Variants in MOGS observed in about 807,000 individuals in gnomAD.
MOGS encodes the protein epididymis secretory sperm binding protein.
MOGS carries 45 observed loss-of-function variants against 68.5 expected under a neutral mutation model. The observed-to-expected ratio is 0.66, with a 90% CI of 0.52 to 0.84. The LOEUF is 0.84. Among genes scored for constraint, MOGS ranks in the 40% least tolerant of loss-of-function variants. The pLI, the probability that MOGS is intolerant of heterozygous loss-of-function variation, is 0.00. For missense variants in MOGS, 1,020 were observed against 1,095.0 expected (o/e 0.93, Z 0.97); for synonymous variants, 492 against 461.2 (o/e 1.07, Z -0.86).
In MOGS at chr2:74,462,854, C is replaced by T. The variant is rs760403923; in HGVS notation, c.935G>A (p.Ser312Asn). ...GSLKWEDRGP[S>N]GQGQGQFLIQ... The stretch of plus-strand genomic sequence containing the variant: ...CAAGAACTGCCCCTGCCCTTGCCCA[C>T]TTGGACCTCTGTCCTCCCACTTCAG... The change falls in exon 4 of 4, where the codon AGT (serine) becomes AAT (asparagine). Residue 312 changes from serine to asparagine, a missense_variant. Ser to Asn is a conservative substitution (Grantham distance 46, BLOSUM62 1). Around this residue, in one of 3 missense-constraint regions of MOGS, gnomAD observed 569 missense variants for 571.9 expected, o/e 0.99. Coordinates refer to ENST00000448666, the MANE Select transcript of MOGS (RefSeq NM_006302.3). 3.1e-6 allele frequency: 5 copies of T among 1,614,096 alleles called. No homozygotes were observed. The highest frequency in any genetic ancestry group is 4.2e-6 in the Non-Finnish European group (5 of 1,180,060).
Position 74,461,294 on chromosome 2 carries a change from G to T in MOGS, c.2495C>A (p.Ala832Asp). Residue 832 changes from alanine to aspartate, a missense_variant, in exon 4 of 4, where the codon GCC becomes GAC. Physicochemically the swap from Ala to Asp is moderately radical, Grantham distance 126 (BLOSUM62 -2). Transcript: ENST00000448666. ...FHGWTSLVLL[A>D]MAEDY ...CTCCCTTCAGTAGTCTTCAGCCATG[G>T]CCAGTAAGACAAGGCTGGTCCAGCC... 1.2e-6 allele frequency: 2 copies of T among 1,614,108 alleles called. No homozygotes were observed. The highest frequency in any genetic ancestry group is 8.5e-7 in the Non-Finnish European group (1 of 1,180,048).
rs1008961505 is a variant in MOGS, at chr2:74,461,152, T to C, written c.*123A>G. ...TGTGGGATGACAGCAAGGAGACACC[T>C]GAGATGAAATGAGGAAGGTTTGAAT... On this transcript the variant is annotated 3_prime_UTR_variant, in exon 4 of 4. Transcript: ENST00000448666. 2.8e-6 allele frequency: 3 copies of C among 1,074,356 alleles called. No individual in the cohort carries two copies. In the African/African-American group the frequency reaches 4.7e-5, roughly 17 times the overall value. 66.6% of individuals were successfully genotyped at this position (1,074,356 alleles called of 1,614,324 possible).
In MOGS at chr2:74,463,403, GACAGAAAAGA is replaced by G. The variant is rs748839262; in HGVS notation, c.580-27_580-18del. 47 of 1,610,994 alleles carry G rather than the reference GACAGAAAAGA, an allele frequency of 2.9e-5. No homozygotes were observed. The highest frequency in any genetic ancestry group is 1.7e-5 in the Admixed American group (1 of 59,982). The stretch of plus-strand genomic sequence containing the variant: ...ACCTGAGTCCTGAGTGACCAACGAG[GACAGAAAAGA>G]ACAGTGTTAGATTGGCATTCTCTCT... On this transcript the variant is annotated intron_variant, in intron 2 of 3. Coordinates refer to ENST00000448666, the MANE Select transcript of MOGS (RefSeq NM_006302.3).
At chr2:74,463,798 CG>C (rs1671996261) in intron 2 of MOGS, among the ~76,000 whole-genome samples, 1 of 147,962 alleles carries the variant, frequency 6.8e-6, no homozygotes, top group African/African-American at 2.5e-5. Flanking sequence ...CGAGTAGCTG[CG>C]ACAATAGGCG....
intron 1 of MOGS, 83 bp downstream of exon 1, chr2:74,464,813 T>C: frequency 6.4e-7 from 1 of 1,557,236 alleles, no homozygotes. Flanking sequence ...TCCTGATCCA[T>C]TCCTTCCCAC....
rs1289943392 is a variant in MOGS, at chr2:74,461,153, G to C, written c.*122C>G. ...GTGGGATGACAGCAAGGAGACACCT[G>C]AGATGAAATGAGGAAGGTTTGAATT... On this transcript the variant is annotated 3_prime_UTR_variant, in exon 4 of 4. Transcript: ENST00000448666. The C allele has an allele frequency of 9.2e-7, 1 of 1,083,186 alleles. No individual in the cohort carries two copies. Among genetic ancestry groups the C allele is most frequent in the Non-Finnish European group, 1.4e-6 (1 of 728,626 alleles). 67.1% of individuals were successfully genotyped at this position (1,083,186 alleles called of 1,614,324 possible).
intron 2 of MOGS, 34 bp from the exon 3 acceptor site, chr2:74,463,420 T>C: frequency 6.3e-7 from 1 of 1,598,846 alleles, no homozygotes; most frequent in Non-Finnish European, 8.6e-7. Context: ...AAGAACAGTG[T>C]TAGATTGGCA....
At position 74,462,164 on chromosome 2, in the gene MOGS, T is replaced by C. The variant is rs754338562; in HGVS notation, c.1625A>G (p.His542Arg). 1.9e-5 allele frequency: 31 copies of C among 1,613,972 alleles called. No individual in the cohort carries two copies. Among genetic ancestry groups the C allele is most frequent in the Non-Finnish European group, 2.6e-5 (31 of 1,179,978 alleles). Residue 542 changes from histidine to arginine, a missense_variant, in exon 4 of 4, where the codon CAT becomes CGT. Transcript: ENST00000448666. ...CTGATGGAGCCAGGAAAACCAGGCA[T>C]GCAGGCGGGGCAAGGCCTTTCGGAG... ...AFLRKALPRL[H>R]AWFSWLHQSQ...
Position 74,463,330 on chromosome 2 carries a change from A to G in MOGS, c.636T>C (p.Asp212=), listed in dbSNP as rs1408246962. 1.2e-6 allele frequency: 2 copies of G among 1,614,100 alleles called. No individual in the cohort carries two copies. Among genetic ancestry groups the G allele is most frequent in the Non-Finnish European group, 8.5e-7 (1 of 1,180,052 alleles). The change falls in exon 3 of 4, where the codon GAT becomes GAC. Residue 212 remains aspartate, a synonymous_variant. Coordinates refer to ENST00000448666, the MANE Select transcript of MOGS (RefSeq NM_006302.3). ...CCTCTGGTAGTAGGACTTCCTTGCC[A>G]TCTGTCACCACATAGAAGAACAGGG... The part of the protein sequence containing the change: ...LVSLFFYVVT[D]GKEVLLPEVG...
chr2:74,463,155 C>T (rs775232128), intron 3 of MOGS, 35 bp downstream of exon 3: 1 of 1,613,016 alleles, frequency 6.2e-7, no homozygotes, highest in Non-Finnish European at 8.5e-7. Context: ...AATAACCACC[C>T]CTTCCATCCC....
At chr2:74,463,576 T>G in intron 2 of MOGS, 190 bp from the exon 3 acceptor site, 1 of 628,712 alleles carries the variant, frequency 1.6e-6, no homozygotes, top group Non-Finnish European at 2.8e-6. Flanking sequence ...TAAAGAGCCT[T>G]GCACTGGGTG....
At position 74,461,227 on chromosome 2, in the gene MOGS, C is replaced by T. The variant is rs1202406110; in HGVS notation, c.*48G>A. 1.9e-6 allele frequency: 3 copies of T among 1,610,038 alleles called. No individual in the cohort carries two copies. The highest frequency in any genetic ancestry group is 2.5e-6 in the Non-Finnish European group (3 of 1,178,800). On this transcript the variant is annotated 3_prime_UTR_variant, in exon 4 of 4. Coordinates refer to ENST00000448666, the MANE Select transcript of MOGS (RefSeq NM_006302.3). ...CAAAAGCCAGAAGCCTTTGTCCCTT[C>T]AGAGCCAGAGTGGCATGAGTGTCTT...
In MOGS at chr2:74,463,206, C is replaced by A. The variant is rs752804401; in HGVS notation, c.760G>T (p.Ala254Ser). ...CCCAGTTACCTGCCATACTTGGGGG[C>A]TGTATCCCCTGGACTGGTTGGTGGC... is the stretch of plus-strand genomic sequence containing the variant. ...LLPPTSPGDT[A>S]PKYGSYNVFW... The change falls in exon 3 of 4, where the codon GCC (alanine) becomes TCC (serine). Residue 254 changes from alanine (A) to serine (S), a missense_variant. Transcript: ENST00000448666. 1.2e-6 allele frequency: 2 copies of A among 1,614,166 alleles called. No homozygotes were observed.
At position 74,461,176 on chromosome 2, in the gene MOGS, A is replaced by AT; in HGVS notation, c.*98dup. On this transcript the variant is annotated 3_prime_UTR_variant, in exon 4 of 4. Transcript: ENST00000448666. ...CTGAGATGAAATGAGGAAGGTTTGA[A>AT]TTACTGGTATCCAAGGGGCTGGGGG... The AT allele has an allele frequency of 2.9e-6, 4 of 1,379,936 alleles. No individual in the cohort carries two copies. Among genetic ancestry groups the AT allele is most frequent in the Non-Finnish European group, 4.0e-6 (4 of 988,260 alleles). The allele number at this position is 1,379,936 out of a possible 1,614,324, so 85.5% of individuals were successfully genotyped here. A position where few individuals can be genotyped will look rare whatever the true frequency, so the allele number is the denominator to read the frequency against.
Position 74,464,633 on chromosome 2 carries a change from A to G in MOGS, c.442T>C (p.Trp148Arg). 2 of 1,614,092 alleles carry G rather than the reference A, an allele frequency of 1.2e-6. No individual in the cohort carries two copies. Among genetic ancestry groups the G allele is most frequent in the Non-Finnish European group, 1.7e-6 (2 of 1,180,034 alleles). The change falls in exon 2 of 4, where the codon TGG (tryptophan) becomes CGG (arginine). Residue 148 changes from tryptophan (W) to arginine (R), a missense_variant. Around this residue, in one of 3 missense-constraint regions of MOGS, gnomAD observed 569 missense variants for 571.9 expected, o/e 0.99. Transcript: ENST00000448666. The stretch of plus-strand genomic sequence containing the variant: ...AAGGAGAGGCCGTCGTGGAACTCCC[A>G]GCCATAGGGACCCACACCGTCCCCC... Reference protein sequence around the residue: ...EQGDGVGPYGWEFHDGLSFGR... With the variant: ...EQGDGVGPYGREFHDGLSFGR...
At position 74,461,771 on chromosome 2, in the gene MOGS, A is replaced by G. The variant is rs1572919630; in HGVS notation, c.2018T>C (p.Val673Ala). 4.3e-6 allele frequency: 7 copies of G among 1,614,160 alleles called. No individual in the cohort carries two copies. In the East Asian group the frequency reaches 8.9e-5, roughly 21 times the overall value. ...QLKPRPPQGL[V>A]RVVGRPQPQL... ...AGGTTGGGGCCGACCCACCACCCGA[A>G]CGAGCCCCTGAGGGGGCCTGGGCTT... The change falls in exon 4 of 4, where the codon GTT (valine) becomes GCT (alanine). Residue 673 changes from valine (V) to alanine (A), a missense_variant. By Grantham distance (64) the Val-to-Ala change is moderately conservative. Coordinates refer to ENST00000448666, the MANE Select transcript of MOGS (RefSeq NM_006302.3).
chr2:74,461,399 C>T lies in MOGS; in HGVS notation c.2390G>A (p.Arg797His), dbSNP rs763518275. ...AAGAAAGCCTGTAGCCTGGTACTGGCGCCATACATTGCCTACCACGTTGGC... is the reference window on the plus strand; with the variant it reads ...AAGAAAGCCTGTAGCCTGGTACTGGTGCCATACATTGCCTACCACGTTGGC... ...LRANVVGNVW[R>H]QYQATGFLWE... The change falls in exon 4 of 4, where the codon CGC becomes CAC. Residue 797 changes from arginine to histidine, a missense_variant. This residue lies in a region of MOGS where 270 missense variants were observed against 261.3 expected (regional missense o/e 1.03). Transcript: ENST00000448666. 23 of 1,614,076 alleles carry T rather than the reference C, an allele frequency of 1.4e-5. No homozygotes were observed. The highest frequency in any genetic ancestry group is 4.4e-5 in the South Asian group (4 of 91,090).
In MOGS at chr2:74,462,877, C is replaced by T; in HGVS notation, c.912G>A (p.Leu304=). 6.2e-7 allele frequency: 1 copy of T among 1,614,186 alleles called. No homozygotes were observed. The highest frequency in any genetic ancestry group is 8.5e-7 in the Non-Finnish European group (1 of 1,180,044). ...CACTTGGACCTCTGTCCTCCCACTT[C>T]AGGGATCCTGGCAAGCCGAGGTAGC... ...PERYLGLPGS[L]KWEDRGPSGQ... Residue 304 remains leucine, a synonymous_variant, in exon 4 of 4, where the codon CTG becomes CTA. Coordinates refer to ENST00000448666, the MANE Select transcript of MOGS (RefSeq NM_006302.3).
Position 74,462,281 on chromosome 2 carries a change from AGG to A in MOGS, c.1506_1507del (p.Leu503SerfsTer24), listed in dbSNP as rs1336299001. 3 of 1,613,906 alleles carry A rather than the reference AGG, an allele frequency of 1.9e-6. No homozygotes were observed. In the South Asian group the frequency reaches 3.3e-5, roughly 18 times the overall value. Reference sequence around the variant, plus strand: ...GTTGGCGTGGACTGCTCGTTGTACTAGGAATTCTGGAGGCACCCGGGCTCGGG... The same window carrying A: ...GTTGGCGTGGACTGCTCGTTGTACTAAATTCTGGAGGCACCCGGGCTCGGG... On this transcript the variant is annotated frameshift_variant, in exon 4 of 4. Transcript: ENST00000448666. LOFTEE classifies it high-confidence loss of function.
Sources: allele counts gnomAD v4.1 joint callset (sites outside exome capture counted in the v4.1 genomes callset), GRCh38; gene constraint gnomAD v4.1.1; regional missense constraint gnomAD v4.1.1; transcripts MANE v1.5; gene names NCBI Gene and HGNC (gene_info 2026-07-23, HGNC 2026-07-21).